Variants in IFT81 observed in about 807,000 individuals in gnomAD.
The protein encoded by IFT81 is intraflagellar transport protein 81 homolog.
A neutral mutation model predicts 102.6 loss-of-function variants in IFT81; 72 were observed. That is an observed-to-expected ratio of 0.70 (90% confidence interval 0.58 to 0.85). The LOEUF (loss-of-function observed/expected upper bound fraction) is 0.85. IFT81 is among the 40% of genes least tolerant of loss of function. The pLI is 0.00. For synonymous variants in IFT81, 237 were observed against 242.7 expected (o/e 0.98, Z 0.22); for missense variants, 723 against 787.3 (o/e 0.92, Z 0.98).
chr12:110,204,017 C>A, intron 15 of IFT81, 67 bp downstream of exon 15: 1 of 989,400 alleles, frequency 1.0e-6, no homozygotes, highest in Non-Finnish European at 1.6e-6. Context: ...GTAGTCCCAG[C>A]TACTCTGGAG....
At chr12:110,171,510 A>C (rs1896725115) in intron 11 of IFT81, among the ~76,000 whole-genome samples, 1 of 152,242 alleles carries the variant, frequency 6.6e-6, no homozygotes, top group African/African-American at 2.4e-5. Context: ...TTAACTAGCC[A>C]CTACCATATG....
At chr12:110,168,496 A>G in intron 11 of IFT81, 1 of 958,172 alleles carries the variant, frequency 1.0e-6, no homozygotes. Flanking sequence ...AGCTTTAAAA[A>G]ATGCATAAAC....
intron 12 of IFT81, among the ~76,000 whole-genome samples, chr12:110,185,244 G>A (rs1349941865): frequency 6.6e-6 from 1 of 151,966 alleles, no homozygotes; most frequent in Non-Finnish European, 1.5e-5. Flanking sequence ...GGAGTGCAGT[G>A]GCACGATCTC....
intron 18 of IFT81, chr12:110,216,770 C>T (rs1391952463): frequency 8.0e-6 from 3 of 373,654 alleles, no homozygotes; most frequent in Non-Finnish European, 1.6e-5. Flanking sequence ...AGGTGATCTG[C>T]CCACCTATAT....
intron 9 of IFT81, among the ~76,000 whole-genome samples, chr12:110,146,726 T>G (rs1895244605): frequency 6.6e-6 from 1 of 152,096 alleles, no homozygotes; most frequent in Non-Finnish European, 1.5e-5. Flanking sequence ...CCCAGCACTT[T>G]GGGAGGCCAA....
intron 1 of IFT81, among the ~76,000 whole-genome samples, chr12:110,125,292 A>G (rs1380235834): frequency 2.0e-5 from 3 of 152,204 alleles, no homozygotes; most frequent in Non-Finnish European, 2.9e-5. Context: ...CAGATTTATT[A>G]TAAGCCATGG....
At chr12:110,174,457 GAAAA>G (rs573702387) in intron 11 of IFT81, among the ~76,000 whole-genome samples, 2 of 55,208 alleles carry the variant, frequency 3.6e-5, no homozygotes, top group Non-Finnish European at 4.4e-5. Context: ...CTCCGTCTCA[GAAAA>G]AAAAAAAAAA....
Position 110,127,446 on chromosome 12 carries a change from T to A in IFT81, c.66T>A (p.Asn22Lys). Residue 22 changes from asparagine (N) to lysine (K), a missense_variant, in exon 2 of 19, where the codon AAT becomes AAA. Transcript: ENST00000242591. ...LNKEPFRKNY[N>K]LITFDSLEPM... The stretch of plus-strand genomic sequence containing the variant: ...AGGAGCCCTTTAGGAAGAACTATAA[T>A]TTAATCACGTTTGATTCCTTGGAGC... The A allele has an allele frequency of 1.2e-6, 2 of 1,608,934 alleles. No homozygotes were observed. Among genetic ancestry groups the A allele is most frequent in the Non-Finnish European group, 1.7e-6 (2 of 1,177,684 alleles).
chr12:110,215,976 T>A (rs1870064759), intron 18 of IFT81, among the ~76,000 whole-genome samples: 1 of 152,128 alleles, frequency 6.6e-6, no homozygotes, highest in African/African-American at 2.4e-5. Context: ...CTGAAGTATA[T>A]GTGCATACAA....
intron 12 of IFT81, 144 bp downstream of exon 12, chr12:110,180,715 G>A (rs896034085): frequency 3.7e-6 from 2 of 539,748 alleles, no homozygotes; most frequent in Non-Finnish European, 6.1e-6. Flanking sequence ...TGACATATAA[G>A]TTGATTCATT....
intron 14 of IFT81, among the ~76,000 whole-genome samples, chr12:110,193,376 GT>G (rs1380216540): frequency 6.6e-6 from 1 of 152,128 alleles, no homozygotes; most frequent in Non-Finnish European, 1.5e-5. Flanking sequence ...AAAGCTCAAA[GT>G]CTGCCCACAA....
chr12:110,146,923 C>T, intron 9 of IFT81, 30 bp from the exon 10 acceptor site: 1 of 1,200,704 alleles, frequency 8.3e-7, no homozygotes, highest in Non-Finnish European at 1.1e-6. Flanking sequence ...AAAGTTTTAA[C>T]TTTTTTTTTT....
intron 11 of IFT81, among the ~76,000 whole-genome samples, chr12:110,167,601 G>A (rs1403836397): frequency 6.6e-6 from 1 of 151,964 alleles, no homozygotes; most frequent in African/African-American, 2.4e-5. Context: ...ATATAAATCT[G>A]GTTGAATTGA....
chr12:110,133,030 G>A (rs988907772), intron 5 of IFT81, among the ~76,000 whole-genome samples: 1 of 147,062 alleles, frequency 6.8e-6, no homozygotes, highest in Non-Finnish European at 1.5e-5. Context: ...GAGTACAGTG[G>A]TGTGATCACA....
At chr12:110,127,274 C>G (rs1893901490) in intron 1 of IFT81, 86 bp from the exon 2 acceptor site, 1 of 1,208,622 alleles carries the variant, frequency 8.3e-7, no homozygotes. Context: ...CTTTTCATGC[C>G]TACGTTGTAT....
chr12:110,189,631 G>A (rs1418905484), intron 12 of IFT81, among the ~76,000 whole-genome samples: 1 of 152,174 alleles, frequency 6.6e-6, no homozygotes, highest in Non-Finnish European at 1.5e-5. Flanking sequence ...TTACAGGCGC[G>A]AGCCACCACA....
At chr12:110,194,476 T>C (rs1046552468) in intron 14 of IFT81, among the ~76,000 whole-genome samples, 14 of 152,162 alleles carry the variant, frequency 9.2e-5, no homozygotes, top group Non-Finnish European at 1.6e-4. Flanking sequence ...TGGGGTCTGC[T>C]GTTGCCAGGC....
chr12:110,135,376 T>A lies in IFT81; in HGVS notation c.635T>A (p.Leu212His). ...HQWMLKIARQLRVEKEREEYL... is the reference protein window; with the variant it reads ...HQWMLKIARQHRVEKEREEYL... Reference sequence around the variant, plus strand: ...TGGATGCTTAAAATAGCAAGGCAACTTCGAGTTGAAAAAGAGAGAGAAGAA... The same window carrying A: ...TGGATGCTTAAAATAGCAAGGCAACATCGAGTTGAAAAAGAGAGAGAAGAA... Residue 212 changes from leucine to histidine, a missense_variant, in exon 7 of 19, where the codon CTT becomes CAT. Physicochemically the swap from Leu to His is moderately conservative, Grantham distance 99 (BLOSUM62 -3). Transcript: ENST00000242591. 1.2e-6 allele frequency: 2 copies of A among 1,613,388 alleles called. No individual in the cohort carries two copies. Among genetic ancestry groups the A allele is most frequent in the Non-Finnish European group, 1.7e-6 (2 of 1,179,680 alleles).
chr12:110,156,583 A>G (rs1289100791), intron 10 of IFT81, among the ~76,000 whole-genome samples: 1 of 150,982 alleles, frequency 6.6e-6, no homozygotes, highest in African/African-American at 2.4e-5. Context: ...TGCAATCTCC[A>G]CCTCCTGGGT....
Sources: gnomAD v4.1 joint callset for allele counts (sites outside exome capture counted in the v4.1 genomes callset) on GRCh38, gnomAD v4.1.1 for gene constraint, MANE v1.5 for transcripts, NCBI Gene and HGNC (gene_info 2026-07-23, HGNC 2026-07-21) for gene names.